ITPK1: variants seen among roughly 807,000 people sequenced by gnomAD.
ITPK1 encodes inositol-tetrakisphosphate 1-kinase.
Under a neutral mutation model 45.3 loss-of-function variants are expected in ITPK1, and 21 were observed. That is an observed-to-expected ratio of 0.46 (90% CI 0.33 to 0.67). The LOEUF is 0.67. ITPK1 is among the 30% of genes least tolerant of loss of function. The pLI is 0.02. For synonymous variants in ITPK1, 258 were observed against 253.6 expected, an observed-to-expected ratio of 1.02 and a Z score of -0.16; for missense variants, 474 against 573.5, an observed-to-expected ratio of 0.83 and a Z score of 1.77.
chr14:92,970,391 G>C lies in ITPK1; in HGVS notation c.365-7542C>G, dbSNP rs576630521. 8.5e-5 allele frequency among the ~76,000 whole-genome samples: 13 copies of C among 152,342 alleles called. No individual in the cohort carries two copies. In the East Asian group the frequency reaches 1.4e-3, roughly 16 times the overall value. On this transcript the variant is annotated intron_variant, in intron 5 of 10. Coordinates refer to ENST00000267615, the MANE Select transcript of ITPK1 (RefSeq NM_014216.6). ...CCAGCGGGGGATGCCCTCAGGGGAG[G>C]AGGCAGGTGTCAAACAGTGGTTACT...
intron 8 of ITPK1, 78 bp from the exon 9 acceptor site, chr14:92,952,091 C>T (rs1887984554): frequency 3.5e-6 from 4 of 1,147,922 alleles, no homozygotes; most frequent in Admixed American, 2.0e-5. Context: ...CACCAGGGGG[C>T]AGCATCACCC....
chr14:93,062,323 A>C (rs1324526093), intron 3 of ITPK1, among the ~76,000 whole-genome samples: 1 of 152,114 alleles, frequency 6.6e-6, no homozygotes, highest in Non-Finnish European at 1.5e-5. Context: ...CCAGCTACTA[A>C]GAAGGCTGAG....
At chr14:92,993,386 C>A (rs1007905649) in intron 5 of ITPK1, among the ~76,000 whole-genome samples, 3 of 152,178 alleles carry the variant, frequency 2.0e-5, no homozygotes, top group Non-Finnish European at 4.4e-5. Context: ...GGGACAGGAG[C>A]CTGCAGCTGG....
At chr14:93,049,713 G>A (rs1197291632) in intron 3 of ITPK1, among the ~76,000 whole-genome samples, 3 of 135,294 alleles carry the variant, frequency 2.2e-5, no homozygotes, top group African/African-American at 5.5e-5. Flanking sequence ...TGGGTAAGGG[G>A]GACTGGGAGA....
chr14:93,098,883 G>A (rs544901106), intron 2 of ITPK1, among the ~76,000 whole-genome samples: 2 of 152,304 alleles, frequency 1.3e-5, no homozygotes, highest in African/African-American at 4.8e-5. Context: ...CAGTTAAGCA[G>A]GCCCGGGGCA....
chr14:93,079,946 G>T (rs942237340), intron 2 of ITPK1, among the ~76,000 whole-genome samples: 7 of 152,140 alleles, frequency 4.6e-5, no homozygotes, highest in Admixed American at 2.6e-4. Flanking sequence ...ATATGTTTCC[G>T]GCTCTGCCCT....
intron 2 of ITPK1, among the ~76,000 whole-genome samples, chr14:93,085,908 T>A (rs990764613): frequency 1.3e-5 from 2 of 151,866 alleles, no homozygotes; most frequent in Admixed American, 1.3e-4. Context: ...AGCAGGGGAG[T>A]TGGCTGCTGG....
At chr14:93,078,189 A>C (rs1391696293) in intron 2 of ITPK1, among the ~76,000 whole-genome samples, 1 of 152,164 alleles carries the variant, frequency 6.6e-6, no homozygotes, top group Non-Finnish European at 1.5e-5. Flanking sequence ...GGCCCTTGAG[A>C]GGCTCAAGGT....
Position 93,039,816 on chromosome 14 carries a change from T to C in ITPK1, c.121-23015A>G, listed in dbSNP as rs760525113. 2.3e-4 allele frequency among the ~76,000 whole-genome samples: 35 copies of C among 152,216 alleles called. 1 individual carries two copies. Among genetic ancestry groups the C allele is most frequent in the Non-Finnish European group, 1.6e-4 (11 of 68,024 alleles). ...GGAGTTCTCCCTGCCAAAGTCTCCC[T>C]TGCTGTCAGTTTCAGTACAGGAAGT... On this transcript the variant is annotated intron_variant, in intron 3 of 10. Transcript: ENST00000267615.
intron 2 of ITPK1, among the ~76,000 whole-genome samples, chr14:93,084,609 C>T (rs543209366): frequency 5.3e-5 from 8 of 152,180 alleles, no homozygotes; most frequent in Admixed American, 2.6e-4. Flanking sequence ...CCTGGCCTAT[C>T]CTGACTAACA....
intron 3 of ITPK1, among the ~76,000 whole-genome samples, chr14:93,075,326 C>CAAAAAA (rs58089863): frequency 1.5e-4 from 8 of 53,970 alleles, no homozygotes; most frequent in Admixed American, 3.5e-4. Context: ...GACTCCTTCT[C>CAAAAAA]AAAAAAAAAA....
chr14:93,009,120 C>T (rs76030571), intron 4 of ITPK1, among the ~76,000 whole-genome samples: 9,892 of 152,076 alleles, frequency 0.065, 404 homozygotes, highest in East Asian at 0.19. Context: ...AATGAGCAGC[C>T]GGGAAGGCAA....
intron 8 of ITPK1, among the ~76,000 whole-genome samples, chr14:92,957,090 G>A (rs1422242643): frequency 5.3e-5 from 8 of 152,250 alleles, no homozygotes; most frequent in Non-Finnish European, 1.2e-4. Flanking sequence ...GAGGGCAACC[G>A]CAGCACTGCA....
intron 5 of ITPK1, among the ~76,000 whole-genome samples, chr14:92,992,304 A>G (rs1417716359): frequency 3.3e-5 from 5 of 152,198 alleles, no homozygotes. Flanking sequence ...AAATTTTACC[A>G]AACCTTCACC....
At chr14:93,039,897 G>A (rs1208935739) in intron 3 of ITPK1, among the ~76,000 whole-genome samples, 1 of 152,218 alleles carries the variant, frequency 6.6e-6, no homozygotes, top group East Asian at 1.9e-4. Context: ...GCCACTGAGT[G>A]TTCTTACTGG....
intron 3 of ITPK1, among the ~76,000 whole-genome samples, chr14:93,046,502 C>T (rs1040618084): frequency 3.6e-4 from 55 of 151,362 alleles, no homozygotes; most frequent in Non-Finnish European, 2.1e-4. Flanking sequence ...TTGGGCAGGA[C>T]GCAATTTAGT....
chr14:92,940,867 T>G lies in ITPK1; in HGVS notation c.*694A>C, dbSNP rs1219529857. The G allele has an allele frequency of 7.8e-7, 1 of 1,288,590 alleles. No homozygotes were observed. The highest frequency in any genetic ancestry group is 1.0e-6 in the Non-Finnish European group (1 of 988,730). The allele number at this position is 1,288,590 out of a possible 1,614,324, so 79.8% of individuals were successfully genotyped here. A position where few individuals can be genotyped will look rare whatever the true frequency, so the allele number is the denominator to read the frequency against. On this transcript the variant is annotated 3_prime_UTR_variant, in exon 11 of 11. Transcript: ENST00000267615. Reference sequence around the variant, plus strand: ...TGCTGGCTTAGGGGAAGGAGACCGCTGTGCAGGGCTAAATGGGACGTGTGT... The same window carrying G: ...TGCTGGCTTAGGGGAAGGAGACCGCGGTGCAGGGCTAAATGGGACGTGTGT...
At chr14:92,955,729 C>T (rs1436241357) in intron 8 of ITPK1, among the ~76,000 whole-genome samples, 1 of 152,242 alleles carries the variant, frequency 6.6e-6, no homozygotes, top group African/African-American at 2.4e-5. Flanking sequence ...AGTGAAGACT[C>T]ATGTCCCTGT....
At chr14:93,018,395 G>C (rs1207269019) in intron 3 of ITPK1, among the ~76,000 whole-genome samples, 3 of 152,068 alleles carry the variant, frequency 2.0e-5, no homozygotes, top group African/African-American at 7.2e-5. Context: ...TCTCGGGCCT[G>C]CCCACACCCT....
Sources: allele counts gnomAD v4.1 joint callset (sites outside exome capture counted in the v4.1 genomes callset), GRCh38; gene constraint gnomAD v4.1.1; transcripts MANE v1.5; gene names NCBI Gene and HGNC (gene_info 2026-07-23, HGNC 2026-07-21).